ATF3: variants seen among roughly 807,000 people sequenced by gnomAD.
ATF3 encodes the protein cyclic AMP-dependent transcription factor ATF-3.
ATF3 carries 10 observed loss-of-function variants against 18.4 expected under a neutral mutation model. That is an observed-to-expected ratio of 0.54 (90% confidence interval 0.34 to 0.92). The LOEUF (loss-of-function observed/expected upper bound fraction) is 0.92, where lower values mean the gene tolerates loss of function less well. ATF3 is among the 40% of genes least tolerant of loss of function. The pLI is 0.02. For synonymous variants in ATF3, 78 were observed against 87.9 expected, an observed-to-expected ratio of 0.89 and a Z score of 0.63; for missense variants, 183 against 222.3, an observed-to-expected ratio of 0.82 and a Z score of 1.12.
chr1:212,577,027 G>A (rs767129489), intron 1 of ATF3, among the ~76,000 whole-genome samples: 3 of 151,818 alleles, frequency 2.0e-5, no homozygotes, highest in South Asian at 2.1e-4. Context: ...CACCGAGCCC[G>A]GCCCAAAATA....
At chr1:212,583,062 G>C (rs761993530) in intron 1 of ATF3, among the ~76,000 whole-genome samples, 2 of 152,132 alleles carry the variant, frequency 1.3e-5, no homozygotes, top group Non-Finnish European at 2.9e-5. Context: ...AATGTTCTAG[G>C]GGAGAGCATA....
At chr1:212,599,904 C>G (rs918440089) in intron 1 of ATF3, among the ~76,000 whole-genome samples, 7 of 152,186 alleles carry the variant, frequency 4.6e-5, no homozygotes, top group African/African-American at 1.7e-4. Context: ...TGCTGTACTC[C>G]CAAGACTGAT....
At chr1:212,594,647 A>G (rs1167123599) in intron 1 of ATF3, among the ~76,000 whole-genome samples, 3 of 152,226 alleles carry the variant, frequency 2.0e-5, no homozygotes, top group African/African-American at 7.2e-5. Flanking sequence ...GCCTGGGTCT[A>G]TAGACAGAAA....
At chr1:212,591,058 G>GC in intron 1 of ATF3, among the ~76,000 whole-genome samples, 1 of 152,208 alleles carries the variant, frequency 6.6e-6, no homozygotes, top group Non-Finnish European at 1.5e-5. Flanking sequence ...AACTTTTTCA[G>GC]CCGCCTCTTC....
At chr1:212,577,728 C>T (rs1280753379) in intron 1 of ATF3, among the ~76,000 whole-genome samples, 1 of 152,216 alleles carries the variant, frequency 6.6e-6, no homozygotes, top group Non-Finnish European at 1.5e-5. Flanking sequence ...CCTCCAGATT[C>T]ATCCATGTTG....
chr1:212,595,533 A>G (rs546021525), intron 1 of ATF3, among the ~76,000 whole-genome samples: 36 of 152,346 alleles, frequency 2.4e-4, no homozygotes, highest in African/African-American at 8.7e-4. Context: ...TGGTCACCCA[A>G]TGCACAGGGA....
intron 1 of ATF3, among the ~76,000 whole-genome samples, chr1:212,601,781 G>A (rs1366630634): frequency 1.3e-5 from 2 of 152,322 alleles, no homozygotes; most frequent in East Asian, 1.9e-4. Flanking sequence ...AAGCCAGCCT[G>A]AGAGATGGAA....
At position 212,618,147 on chromosome 1, in the gene ATF3, A is replaced by C. The variant is rs1036748629; in HGVS notation, c.261A>C (p.Glu87Asp). Residue 87 changes from glutamate (E) to aspartate (D), a missense_variant, in exon 3 of 4, where the codon GAA becomes GAC. Physicochemically the swap from Glu to Asp is conservative, Grantham distance 45 (BLOSUM62 2). Transcript: ENST00000341491. The surrounding 1 kb of genome is among the most constrained non-coding windows in gnomAD (Gnocchi z 4.4). The stretch of plus-strand genomic sequence containing the variant: ...TACAGGTAGCCCCTGAAGAAGATGA[A>C]AGGAAAAAGAGGCGACGAGAAAGAA... ...TKAEVAPEEDERKKRRRERNK... is the reference protein window; with the variant it reads ...TKAEVAPEEDDRKKRRRERNK... 6.2e-7 allele frequency: 1 copy of C among 1,614,162 alleles called. No homozygotes were observed.
chr1:212,584,195 C>T (rs540826854), intron 1 of ATF3, among the ~76,000 whole-genome samples: 2 of 152,098 alleles, frequency 1.3e-5, no homozygotes, highest in African/African-American at 4.8e-5. Context: ...CAACTTTTAC[C>T]GTCCGGACAG....
chr1:212,584,072 C>G (rs1664734776), intron 1 of ATF3, among the ~76,000 whole-genome samples: 1 of 151,996 alleles, frequency 6.6e-6, no homozygotes, highest in Admixed American at 6.5e-5. Context: ...CTCTCACACA[C>G]AGGGTACTCA....
chr1:212,601,470 T>C (rs1654483251), intron 1 of ATF3, among the ~76,000 whole-genome samples: 1 of 152,204 alleles, frequency 6.6e-6, no homozygotes, highest in African/African-American at 2.4e-5. Flanking sequence ...CACATCATGC[T>C]CTCTAAGATT....
chr1:212,570,374 T>C (rs1164922514), intron 1 of ATF3, among the ~76,000 whole-genome samples: 1 of 152,208 alleles, frequency 6.6e-6, no homozygotes, highest in African/African-American at 2.4e-5. Flanking sequence ...TACAGGGAAA[T>C]GCACAAATCT....
intron 1 of ATF3, among the ~76,000 whole-genome samples, chr1:212,602,758 A>G (rs868291249): frequency 6.6e-6 from 1 of 152,350 alleles, no homozygotes; most frequent in South Asian, 2.1e-4. Context: ...AATGCTACAT[A>G]GTAACATTTT....
intron 1 of ATF3, among the ~76,000 whole-genome samples, chr1:212,585,106 A>AG (rs1664753934): frequency 6.6e-6 from 1 of 152,166 alleles, no homozygotes; most frequent in African/African-American, 2.4e-5. Flanking sequence ...AGGGCCTCTA[A>AG]GGGGACAGAG....
chr1:212,579,033 A>G (rs1664632638), intron 1 of ATF3, among the ~76,000 whole-genome samples: 1 of 124,672 alleles, frequency 8.0e-6, no homozygotes, highest in African/African-American at 3.1e-5. Context: ...TTTTTTTGAG[A>G]CAGAGTCTCA....
chr1:212,573,475 T>C (rs1392796072), intron 1 of ATF3, among the ~76,000 whole-genome samples: 1 of 152,048 alleles, frequency 6.6e-6, no homozygotes, highest in African/African-American at 2.4e-5. Context: ...GTTATTTTGA[T>C]ACTGTTATCT....
chr1:212,616,803 G>A (rs192101497), intron 2 of ATF3, among the ~76,000 whole-genome samples: 2 of 152,158 alleles, frequency 1.3e-5, no homozygotes, highest in Non-Finnish European at 2.9e-5. Context: ...CTGATAGATT[G>A]GATGTGGGGT....
chr1:212,614,222 G>T (rs1285327979), intron 1 of ATF3: 1 of 152,460 alleles, frequency 6.6e-6, no homozygotes, highest in African/African-American at 2.4e-5. Context: ...CCAGCCCCAG[G>T]GTTCCCTGCC....
At chr1:212,585,402 G>GATT in intron 1 of ATF3, among the ~76,000 whole-genome samples, 1 of 152,188 alleles carries the variant, frequency 6.6e-6, no homozygotes, top group South Asian at 2.1e-4. Context: ...TGTTGCCTCT[G>GATT]CCTAGAGCCC....
Sources: allele counts gnomAD v4.1 joint callset (sites outside exome capture counted in the v4.1 genomes callset), GRCh38; gene constraint gnomAD v4.1.1; non-coding constraint Gnocchi (gnomAD v3.1); transcripts MANE v1.5; gene names NCBI Gene and HGNC (gene_info 2026-07-23, HGNC 2026-07-21).